ERN1: variants seen among roughly 807,000 people sequenced by gnomAD.
The protein encoded by ERN1 is endoplasmic reticulum to nucleus signaling 1.
In ERN1, 39 loss-of-function variants were observed where a neutral mutation model predicts 113.1. The observed-to-expected ratio is 0.34, with a 90% CI of 0.27 to 0.45. The LOEUF is 0.45. Among genes scored for constraint, ERN1 ranks in the 20% least tolerant of loss-of-function variants. The pLI, the probability that ERN1 is intolerant of heterozygous loss-of-function variation, is 1.00. For missense variants in ERN1, 976 were observed against 1,274.8 expected, an observed-to-expected ratio of 0.77 and a Z score of 3.57; for synonymous variants, 507 against 515.9, an observed-to-expected ratio of 0.98 and a Z score of 0.23.
chr17:64,102,801 G>A, intron 1 of ERN1: 1 of 985,294 alleles, frequency 1.0e-6, no homozygotes, highest in Non-Finnish European at 1.2e-6. Context: ...GGTTTCCAGA[G>A]AGCCTGAAAA....
At chr17:64,073,334 AATT>A (rs1425212871) in intron 5 of ERN1, among the ~76,000 whole-genome samples, 2 of 134,382 alleles carry the variant, frequency 1.5e-5, no homozygotes, top group African/African-American at 2.7e-5. Context: ...ACACCCAGCA[AATT>A]TTTTTTTTTT....
rs758467855 is a variant in ERN1, at chr17:64,055,784, C to A, written c.1563G>T (p.Ser521=). 14 of 1,600,002 alleles carry A rather than the reference C, an allele frequency of 8.7e-6. No individual in the cohort carries two copies. The highest frequency in any genetic ancestry group is 2.3e-5 in the East Asian group (1 of 44,378). ...LDTSGPYSES[S]GTSSPSTSPR... The stretch of plus-strand genomic sequence containing the variant: ...GGGACGTGCTGGGGCTGCTGGTGCC[C>A]GAGCTCTCTGAGTACGGGCCAGACG... Residue 521 remains serine (S), a synonymous_variant, in exon 13 of 22, where the codon TCG becomes TCT. Transcript: ENST00000433197.
At chr17:64,094,472 T>C (rs1914174373) in intron 2 of ERN1, among the ~76,000 whole-genome samples, 1 of 152,208 alleles carries the variant, frequency 6.6e-6, no homozygotes, top group Non-Finnish European at 1.5e-5. Context: ...ATAAATTTTG[T>C]TTCAGTAAGC....
intron 1 of ERN1, among the ~76,000 whole-genome samples, chr17:64,114,115 A>G (rs1192541057): frequency 6.6e-6 from 1 of 151,860 alleles, no homozygotes; most frequent in Non-Finnish European, 1.5e-5. Flanking sequence ...TTGAGTCAAC[A>G]TAAGTAAAGC....
intron 2 of ERN1, among the ~76,000 whole-genome samples, chr17:64,085,857 TATTTCA>T (rs1207566448): frequency 6.6e-6 from 1 of 152,188 alleles, no homozygotes; most frequent in East Asian, 1.9e-4. Flanking sequence ...CTGTAGCTGA[TATTTCA>T]AACTACTCCT....
chr17:64,048,951 G>T, intron 18 of ERN1, 104 bp downstream of exon 18: 1 of 1,189,834 alleles, frequency 8.4e-7, no homozygotes. Context: ...AGCAGCTGGG[G>T]CACCACGGCC....
rs543527632 is a variant in ERN1, at chr17:64,044,015, C to T, written c.2907G>A (p.Gln969=). 2 of 1,612,402 alleles carry T rather than the reference C, an allele frequency of 1.2e-6. No individual in the cohort carries two copies. Among genetic ancestry groups the T allele is most frequent in the Non-Finnish European group, 1.7e-6 (2 of 1,179,218 alleles). ...AGAGGGCGTCTGGAGTCACTGGGGG[C>T]TGGGGCTCTGGGGGCTCGTGGAAGT... is the stretch of plus-strand genomic sequence containing the variant. ...PYYFHEPPEP[Q]PPVTPDAL The change falls in exon 22 of 22, where the codon CAG becomes CAA. Residue 969 remains glutamine (Q), a synonymous_variant. Coordinates refer to ENST00000433197, the MANE Select transcript of ERN1 (RefSeq NM_001433.5). The surrounding 1 kb of genome is among the most constrained non-coding windows in gnomAD (Gnocchi z 4.1).
chr17:64,064,761 G>A (rs962742595), intron 9 of ERN1, among the ~76,000 whole-genome samples: 1 of 152,188 alleles, frequency 6.6e-6, no homozygotes, highest in Non-Finnish European at 1.5e-5. Context: ...GTTTGAGTAG[G>A]GAAAAGGAAG....
At chr17:64,084,746 G>A (rs1331286076) in intron 2 of ERN1, among the ~76,000 whole-genome samples, 1 of 152,128 alleles carries the variant, frequency 6.6e-6, no homozygotes, top group South Asian at 2.1e-4. Context: ...ATCCCAAGCA[G>A]TCCCTCCCTT....
chr17:64,053,348 C>T lies in ERN1; in HGVS notation c.1977G>A (p.Ala659=), dbSNP rs774733130. 22 of 1,610,638 alleles carry T rather than the reference C, an allele frequency of 1.4e-5. No individual in the cohort carries two copies. The highest frequency in any genetic ancestry group is 8.4e-5 in the Admixed American group (5 of 59,636). The change falls in exon 16 of 22, where the codon GCG becomes GCA. Residue 659 remains alanine, a synonymous_variant. Transcript: ENST00000433197. ...LQEYVEQKDF[A]HLGLEPITLL... is the part of the protein sequence containing the mutation. ...AGGTGATGGGCTCCAGGCCGAGATG[C>T]GCAAAGTCCTTCTGCTCCACATACT...
At position 64,064,056 on chromosome 17, in the gene ERN1, G is replaced by C; in HGVS notation, c.1017C>G (p.Asp339Glu). 2 of 1,613,860 alleles carry C rather than the reference G, an allele frequency of 1.2e-6. No individual in the cohort carries two copies. Among genetic ancestry groups the C allele is most frequent in the Non-Finnish European group, 1.7e-6 (2 of 1,179,830 alleles). The part of the protein sequence containing the change: ...KGECVITPST[D>E]VKFDPGLKSK... ...TTTTGAGTCCGGGATCAAACTTGAC[G>C]TCCGTGCTGGGCGTGATCACACACT... The change falls in exon 10 of 22, where the codon GAC becomes GAG. Residue 339 changes from aspartate (D) to glutamate (E), a missense_variant. Physicochemically the swap from Asp to Glu is conservative, Grantham distance 45. Coordinates refer to ENST00000433197, the MANE Select transcript of ERN1 (RefSeq NM_001433.5).
intron 1 of ERN1, among the ~76,000 whole-genome samples, chr17:64,127,745 G>A (rs1441115889): frequency 1.6e-5 from 2 of 125,014 alleles, no homozygotes; most frequent in African/African-American, 6.8e-5. Flanking sequence ...CAAGAGCGAA[G>A]AAACTCCATA....
intron 1 of ERN1, among the ~76,000 whole-genome samples, chr17:64,116,703 A>G (rs1460604555): frequency 6.6e-6 from 1 of 152,010 alleles, no homozygotes; most frequent in Non-Finnish European, 1.5e-5. Context: ...ATTTGGGTGC[A>G]CAGCCATCAC....
chr17:64,082,313 A>G lies in ERN1; in HGVS notation c.176-1505T>C, dbSNP rs192545327. Among the ~76,000 whole-genome samples, 15 of 152,256 alleles carry G rather than the reference A, an allele frequency of 9.9e-5. 1 individual carries two copies. The highest frequency in any genetic ancestry group is 8.5e-4 in the Admixed American group (13 of 15,294). On this transcript the variant is annotated intron_variant, in intron 2 of 21. Transcript: ENST00000433197. ...AAGCACATGTTTATCTTTCCCATTA[A>G]TCACCTCTCGGTACACTCTCACAAA... is the stretch of plus-strand genomic sequence containing the variant.
At chr17:64,066,092 G>A (rs963459614) in intron 8 of ERN1, among the ~76,000 whole-genome samples, 5 of 152,038 alleles carry the variant, frequency 3.3e-5, no homozygotes, top group African/African-American at 1.2e-4. Context: ...TAAGTGACTC[G>A]GTGATAGGCT....
At chr17:64,050,307 T>C (rs1444564232) in intron 17 of ERN1, among the ~76,000 whole-genome samples, 1 of 151,936 alleles carries the variant, frequency 6.6e-6, no homozygotes, top group African/African-American at 2.4e-5. Flanking sequence ...CCCCCCACAC[T>C]CTCTGCAGCC....
chr17:64,072,289 A>G (rs934502821), intron 5 of ERN1, among the ~76,000 whole-genome samples, 186 bp from the exon 6 acceptor site: 12 of 152,254 alleles, frequency 7.9e-5, no homozygotes, highest in Admixed American at 2.0e-4. Flanking sequence ...AGGTCTTATA[A>G]TAATTTAATA....
intron 5 of ERN1, among the ~76,000 whole-genome samples, chr17:64,073,044 C>T (rs1201260861): frequency 8.2e-5 from 12 of 146,310 alleles, no homozygotes; most frequent in East Asian, 2.0e-4. Context: ...CTTGCTCTGT[C>T]GCCCAAGGAG....
At chr17:64,045,034 G>T (rs1912467154) in intron 20 of ERN1, 107 bp from the exon 21 acceptor site, 2 of 858,772 alleles carry the variant, frequency 2.3e-6, no homozygotes, top group African/African-American at 3.3e-5. Context: ...ACTGAAAGGT[G>T]AGGTCACTCC....
Sources: allele counts gnomAD v4.1 joint callset (sites outside exome capture counted in the v4.1 genomes callset), GRCh38; gene constraint gnomAD v4.1.1; non-coding constraint Gnocchi (gnomAD v3.1); transcripts MANE v1.5; gene names NCBI Gene and HGNC (gene_info 2026-07-23, HGNC 2026-07-21).